The following CCSER2 variants were observed in gnomAD, a reference collection of about 807,000 sequenced individuals.
CCSER2 encodes serine-rich coiled-coil domain-containing protein 2.
Under a neutral mutation model 92.3 loss-of-function variants are expected in CCSER2, and 46 were observed. The ratio of observed to expected loss-of-function variants is 0.50; its 90% CI spans 0.39 to 0.64. CCSER2 has a LOEUF of 0.64. Ranked by LOEUF, CCSER2 falls within the 30% of genes least tolerant of loss-of-function variation. CCSER2 has a pLI of 0.00. For missense variants in CCSER2, 1,244 were observed against 1,238.9 expected (o/e 1.00, Z -0.06); for synonymous variants, 433 against 431.4 (o/e 1.00, Z -0.04).
At chr10:84,457,320 ATTATATATAATAT>A (rs1845757019) in intron 6 of CCSER2, among the ~76,000 whole-genome samples, 1 of 80,684 alleles carries the variant, frequency 1.2e-5, no homozygotes, top group Non-Finnish European at 2.2e-5. Context: ...TATATAATAT[ATTATATATAATAT>A]ATTATATATT....
chr10:84,489,778 C>T lies in CCSER2; in HGVS notation c.2325+12114C>T, dbSNP rs545714637. Among the ~76,000 whole-genome samples, 16 of 152,270 alleles carry T rather than the reference C, an allele frequency of 1.1e-4. No homozygotes were observed. In the South Asian group the frequency reaches 3.1e-3, roughly 30 times the overall value. ...TTGTTATGTGTGAATTTGATCCTGG[C>T]ATTATGATGTTAGCTGGTTATGTTG... On this transcript the variant is annotated intron_variant, in intron 9 of 9. Coordinates refer to ENST00000372088, the MANE Select transcript of CCSER2 (RefSeq NM_001284240.2).
chr10:84,383,107 T>C (rs1841002903), intron 3 of CCSER2, among the ~76,000 whole-genome samples: 1 of 152,194 alleles, frequency 6.6e-6, no homozygotes, highest in Non-Finnish European at 1.5e-5. Flanking sequence ...TGCACTGAAA[T>C]TTGGAATTTC....
At chr10:84,348,097 C>T (rs974916920) in intron 1 of CCSER2, among the ~76,000 whole-genome samples, 6 of 152,222 alleles carry the variant, frequency 3.9e-5, no homozygotes, top group Admixed American at 3.9e-4. Flanking sequence ...GAGGCCAAGG[C>T]AGGCGGCTGG....
intron 9 of CCSER2, among the ~76,000 whole-genome samples, chr10:84,479,259 G>A (rs1847324886): frequency 6.6e-6 from 1 of 152,170 alleles, no homozygotes; most frequent in South Asian, 2.1e-4. Context: ...AGCAAAAGCT[G>A]GGGAGATTAA....
intron 1 of CCSER2, among the ~76,000 whole-genome samples, chr10:84,347,035 C>T (rs549327205): frequency 1.7e-4 from 26 of 152,176 alleles, no homozygotes; most frequent in African/African-American, 4.6e-4. Context: ...CATCTTGCAC[C>T]GCCCTTAATC....
At chr10:84,505,033 C>A in intron 9 of CCSER2, among the ~76,000 whole-genome samples, 1 of 151,978 alleles carries the variant, frequency 6.6e-6, no homozygotes, top group Non-Finnish European at 1.5e-5. Context: ...TTAGAAGAAA[C>A]ATTTTGGTAT....
At chr10:84,335,203 C>T (rs1022297608) in intron 1 of CCSER2, among the ~76,000 whole-genome samples, 2 of 149,156 alleles carry the variant, frequency 1.3e-5, no homozygotes, top group East Asian at 3.9e-4. Flanking sequence ...TTTTCTGTTC[C>T]CCAGCATTCT....
chr10:84,506,087 A>G (rs1202783989), intron 9 of CCSER2, among the ~76,000 whole-genome samples: 2 of 150,844 alleles, frequency 1.3e-5, no homozygotes, highest in African/African-American at 2.4e-5. Flanking sequence ...TCTAAGAGTG[A>G]TTGTGCCTCT....
At position 84,418,036 on chromosome 10, in the gene CCSER2, C is replaced by T. The variant is rs1842964409; in HGVS notation, c.1705+175C>T. Among the ~76,000 whole-genome samples, 3 of 152,082 alleles carry T rather than the reference C, an allele frequency of 2.0e-5. No homozygotes were observed. In the South Asian group the frequency reaches 6.2e-4, roughly 31 times the overall value. The stretch of plus-strand genomic sequence containing the variant: ...TGCAAACTAACTTAAATATTTAAAA[C>T]CTGATTTTGTAAGTCTTAGATATAA... On this transcript the variant is annotated intron_variant, in intron 4 of 9. Transcript: ENST00000372088.
rs566226724 is a variant in CCSER2 at position 84,354,327 on chromosome 10, C to T, written c.-39-16687C>T. Among the ~76,000 whole-genome samples the T allele has an allele frequency of 5.5e-4, 83 of 151,556 alleles. 2 individuals carry two copies. In the South Asian group the frequency reaches 0.017, roughly 31 times the overall value. ...ACTGTTTATCTCTTTATTCTTGAAC[C>T]TGCTGTAGTCAGGTTTCTGTCCTCA... is the stretch of plus-strand genomic sequence containing the variant. On this transcript the variant is annotated intron_variant, in intron 1 of 9. Transcript: ENST00000372088.
At chr10:84,366,136 G>T (rs1032581639) in intron 1 of CCSER2, among the ~76,000 whole-genome samples, 1 of 151,998 alleles carries the variant, frequency 6.6e-6, no homozygotes, top group East Asian at 1.9e-4. Flanking sequence ...TAGAGATGAG[G>T]TCTCACTATG....
chr10:84,358,458 A>G (rs763180425), intron 1 of CCSER2, among the ~76,000 whole-genome samples: 1 of 151,956 alleles, frequency 6.6e-6, no homozygotes, highest in Non-Finnish European at 1.5e-5. Context: ...CACCTATACC[A>G]TTAATGTTCC....
intron 7 of CCSER2, among the ~76,000 whole-genome samples, chr10:84,469,007 T>C (rs1299993845): frequency 2.0e-5 from 3 of 152,174 alleles, no homozygotes; most frequent in African/African-American, 7.2e-5. Context: ...TTACCAGTTA[T>C]ATGTATATTT....
intron 9 of CCSER2, among the ~76,000 whole-genome samples, chr10:84,492,815 A>G (rs897904717): frequency 7.9e-5 from 12 of 152,286 alleles, no homozygotes; most frequent in Admixed American, 7.8e-4. Flanking sequence ...CCCTTTAGTC[A>G]TGGTATGTAG....
At chr10:84,404,215 T>C (rs1842263086) in intron 3 of CCSER2, among the ~76,000 whole-genome samples, 1 of 152,204 alleles carries the variant, frequency 6.6e-6, no homozygotes, top group South Asian at 2.1e-4. Context: ...GGGGGCTCCA[T>C]GCCTTGATCC....
chr10:84,384,700 A>G (rs975984494), intron 3 of CCSER2, among the ~76,000 whole-genome samples: 2 of 152,164 alleles, frequency 1.3e-5, no homozygotes, highest in African/African-American at 4.8e-5. Context: ...CATTTCCCCT[A>G]AGAGCTGGAA....
At chr10:84,397,181 C>T (rs1841889867) in intron 3 of CCSER2, among the ~76,000 whole-genome samples, 1 of 152,146 alleles carries the variant, frequency 6.6e-6, no homozygotes, top group Non-Finnish European at 1.5e-5. Flanking sequence ...CTAAAGCTTA[C>T]TGGTAAATCT....
chr10:84,390,825 G>A, intron 3 of CCSER2: 1 of 518,856 alleles, frequency 1.9e-6, no homozygotes, highest in Non-Finnish European at 3.6e-6. Flanking sequence ...GATTTATGGA[G>A]ATGATCTTGG....
intron 3 of CCSER2, among the ~76,000 whole-genome samples, chr10:84,399,764 T>C (rs1274979959): frequency 6.6e-6 from 1 of 151,832 alleles, no homozygotes; most frequent in Non-Finnish European, 1.5e-5. Flanking sequence ...TTGTTTTCAT[T>C]TATTTTTTAA....
Sources: gnomAD v4.1 joint callset for allele counts (sites outside exome capture counted in the v4.1 genomes callset) on GRCh38, gnomAD v4.1.1 for gene constraint, MANE v1.5 for transcripts, NCBI Gene and HGNC (gene_info 2026-07-23, HGNC 2026-07-21) for gene names.